The following GPC3 variants were observed in gnomAD, a reference collection of about 807,000 sequenced individuals.
The protein encoded by GPC3 is glypican-3.
In GPC3, 3 loss-of-function variants were observed where a neutral mutation model predicts 34.4. The ratio of observed to expected loss-of-function variants is 0.09; its 90% CI spans 0.04 to 0.23. GPC3 has a LOEUF of 0.23. Among genes scored for constraint, GPC3 ranks in the 10% least tolerant of loss-of-function variants. GPC3 has a pLI of 1.00. For synonymous variants in GPC3, 177 were observed against 174.0 expected (o/e 1.02, Z -0.13); for missense variants, 351 against 445.6 (o/e 0.79, Z 1.91).
At chrX:133,941,321 C>T (rs1047594389) in intron 2 of GPC3, among the ~76,000 whole-genome samples, 2 of 112,615 alleles carry the variant, frequency 1.8e-5, no homozygotes, top group Admixed American at 1.9e-4. Context: ...CTCTAGAGCA[C>T]CTTTCCAGCT....
Position 133,843,788 on chromosome X carries a change from A to T in GPC3, c.338-89612T>A, listed in dbSNP as rs182485204. 3.2e-3 allele frequency among the ~76,000 whole-genome samples: 363 copies of T among 112,115 alleles called. 1 individual carries two copies. Among genetic ancestry groups the T allele is most frequent in the African/African-American group, 0.011 (353 of 30,889 alleles). ...TCATGAATATAGACAATAATTTAAA[A>T]ATCTGGAAAGTTTCTGTGGCAACTA... On this transcript the variant is annotated intron_variant, in intron 2 of 7. Coordinates refer to ENST00000370818, the MANE Select transcript of GPC3 (RefSeq NM_004484.4).
rs2069664574 is a variant in GPC3, at chrX:133,574,924, A to G, written c.1573+21516T>C. ...GGTCACTACTCTTTAGCTGACCTCA[A>G]CATTGGCTGAAGCACTTCCTGTGGG... is the stretch of plus-strand genomic sequence containing the variant. On this transcript the variant is annotated intron_variant, in intron 7 of 7. Transcript: ENST00000370818. Among the ~76,000 whole-genome samples, 3 of 111,980 alleles carry G rather than the reference A, an allele frequency of 2.7e-5. No homozygotes were observed. In the South Asian group the frequency reaches 1.1e-3, roughly 42 times the overall value.
chrX:133,910,676 T>C (rs950774956), intron 2 of GPC3, among the ~76,000 whole-genome samples: 2 of 112,124 alleles, frequency 1.8e-5, no homozygotes, highest in Admixed American at 1.9e-4. Context: ...CATCACACAA[T>C]CTAAGCACAA....
intron 2 of GPC3, among the ~76,000 whole-genome samples, chrX:133,797,441 T>G: frequency 9.0e-6 from 1 of 111,429 alleles, no homozygotes; most frequent in East Asian, 2.8e-4. Flanking sequence ...TTCTTCCTAT[T>G]ATCCATCTCT....
intron 2 of GPC3, among the ~76,000 whole-genome samples, chrX:133,903,342 T>C (rs1281160198): frequency 9.0e-6 from 1 of 111,116 alleles, no homozygotes; most frequent in Non-Finnish European, 1.9e-5. Flanking sequence ...TCCCAGCAAT[T>C]TGGGAGGCCA....
intron 6 of GPC3, among the ~76,000 whole-genome samples, chrX:133,614,940 T>C (rs1025378661): frequency 6.3e-5 from 7 of 111,527 alleles, no homozygotes; most frequent in East Asian, 5.6e-4. Context: ...GCAAATTAGA[T>C]AGCTTAGACG....
chrX:133,760,105 A>C (rs7050758), intron 2 of GPC3, among the ~76,000 whole-genome samples: 4,243 of 112,341 alleles, frequency 0.038, 204 homozygotes, highest in African/African-American at 0.13. Flanking sequence ...CAAAGCCATT[A>C]GAATGGTTAA....
intron 2 of GPC3, among the ~76,000 whole-genome samples, chrX:133,942,378 A>G (rs2076348713): frequency 8.9e-6 from 1 of 111,979 alleles, no homozygotes; most frequent in Non-Finnish European, 1.9e-5. Flanking sequence ...AGCAACCTTC[A>G]TTTCCAACAA....
chrX:133,563,594 C>T (rs1368975328), intron 7 of GPC3, among the ~76,000 whole-genome samples: 1 of 112,125 alleles, frequency 8.9e-6, no homozygotes, highest in Admixed American at 9.5e-5. Context: ...AACTATTTTG[C>T]AATGCCAGAT....
chrX:133,853,310 C>T (rs12860457), intron 2 of GPC3, among the ~76,000 whole-genome samples: 11,530 of 111,433 alleles, frequency 0.1, 620 homozygotes, highest in Non-Finnish European at 0.16. Flanking sequence ...CTTCTTCTAT[C>T]CAGTATCTCC....
At chrX:133,973,327 C>T (rs1268820612) in intron 1 of GPC3, among the ~76,000 whole-genome samples, 2 of 112,927 alleles carry the variant, frequency 1.8e-5, no homozygotes, top group Non-Finnish European at 3.7e-5. Context: ...CTTTCTGAGC[C>T]TCAGTTTCTT....
chrX:133,786,343 C>G (rs1425913380), intron 2 of GPC3, among the ~76,000 whole-genome samples: 1 of 111,909 alleles, frequency 8.9e-6, no homozygotes, highest in Non-Finnish European at 1.9e-5. Context: ...TGCAGTGAGC[C>G]GAGATAGCAC....
intron 2 of GPC3, among the ~76,000 whole-genome samples, chrX:133,789,217 T>A (rs1159263576): frequency 2.7e-5 from 3 of 111,783 alleles, no homozygotes; most frequent in African/African-American, 9.8e-5. Flanking sequence ...ACACATTCTC[T>A]GGCCACACTC....
intron 7 of GPC3, chrX:133,596,219 T>C (rs948964222): frequency 7.0e-6 from 3 of 426,898 alleles, no homozygotes; most frequent in Admixed American, 4.1e-5. Context: ...AAACAGGAAG[T>C]TACCCTTTTA....
chrX:133,911,612 A>G (rs979296675), intron 2 of GPC3, among the ~76,000 whole-genome samples: 15 of 112,101 alleles, frequency 1.3e-4, no homozygotes, highest in African/African-American at 3.9e-4. Flanking sequence ...AGAAACTGAC[A>G]TACCAAATAG....
At chrX:133,798,363 A>G (rs760439018) in intron 2 of GPC3, among the ~76,000 whole-genome samples, 1 of 111,269 alleles carries the variant, frequency 9.0e-6, no homozygotes, top group South Asian at 3.9e-4. Context: ...ATGCTTTAGT[A>G]CTCAAAATGT....
chrX:133,854,000 T>C (rs2075888370), intron 2 of GPC3, among the ~76,000 whole-genome samples: 1 of 112,250 alleles, frequency 8.9e-6, no homozygotes, highest in Non-Finnish European at 1.9e-5. Context: ...TCTTGCTCTA[T>C]TTACCAAGTA....
rs1222813440 is a variant in GPC3, at chrX:133,899,315, C to T, written c.337+53735G>A. The stretch of plus-strand genomic sequence containing the variant: ...TATCCCTGATCAACATTGGCACATA[C>T]TACAGAACAGAGCCCTGCTTCTCTG... On this transcript the variant is annotated intron_variant, in intron 2 of 7. Transcript: ENST00000370818. Among the ~76,000 whole-genome samples the T allele has an allele frequency of 9.9e-5, 11 of 111,478 alleles. No homozygotes were observed. The Admixed American group carries it at 1.1e-3, about 11-fold the overall frequency.
chrX:133,641,235 G>A (rs143544906), intron 6 of GPC3, among the ~76,000 whole-genome samples: 1 of 110,616 alleles, frequency 9.0e-6, no homozygotes, highest in African/African-American at 3.3e-5. Flanking sequence ...CAGCACTTTG[G>A]GAGGCCGAGG....
Sources: allele counts gnomAD v4.1 joint callset (sites outside exome capture counted in the v4.1 genomes callset), GRCh38; gene constraint gnomAD v4.1.1; transcripts MANE v1.5; gene names NCBI Gene and HGNC (gene_info 2026-07-23, HGNC 2026-07-21).